Variants in FOXP2 observed in about 807,000 individuals in gnomAD.
FOXP2 encodes forkhead box P2.
In FOXP2, 12 loss-of-function variants were observed where a neutral mutation model predicts 115.8. That is an observed-to-expected ratio of 0.10 (90% CI 0.07 to 0.17). FOXP2 has a LOEUF of 0.17. Among genes scored for constraint, FOXP2 ranks in the 10% least tolerant of loss-of-function variants. The probability of loss-of-function intolerance (pLI) is 1.00; values close to 1 mark genes in which losing one functional copy is unlikely to be tolerated. For synonymous variants in FOXP2, 328 were observed against 297.7 expected (o/e 1.10, Z -1.05); for missense variants, 629 against 843.5 (o/e 0.75, Z 3.15).
At chr7:114,582,860 C>A (rs1801939059) in intron 3 of FOXP2, among the ~76,000 whole-genome samples, 1 of 152,080 alleles carries the variant, frequency 6.6e-6, no homozygotes, top group Admixed American at 6.6e-5. Flanking sequence ...ACCCAATAAA[C>A]CAACCACTGA....
chr7:114,676,149 G>A (rs1051202069), intron 16 of FOXP2, among the ~76,000 whole-genome samples: 1 of 140,418 alleles, frequency 7.1e-6, no homozygotes, highest in Non-Finnish European at 1.5e-5. Context: ...GTCTGGTCTC[G>A]AACTCCTGAC....
At chr7:114,239,805 G>A (rs1752957858) in intron 1 of FOXP2, among the ~76,000 whole-genome samples, 1 of 152,116 alleles carries the variant, frequency 6.6e-6, no homozygotes, top group Admixed American at 6.6e-5. Context: ...CTTCTGCCTG[G>A]CATTCTAAGG....
At chr7:114,589,337 T>C (rs761062899) in intron 3 of FOXP2, among the ~76,000 whole-genome samples, 22 of 152,256 alleles carry the variant, frequency 1.4e-4, no homozygotes, top group Non-Finnish European at 2.6e-4. Flanking sequence ...TTCTGCATGA[T>C]TGTTTAGATT....
At chr7:114,601,841 G>A (rs1803045212) in intron 3 of FOXP2, among the ~76,000 whole-genome samples, 1 of 151,888 alleles carries the variant, frequency 6.6e-6, no homozygotes, top group African/African-American at 2.4e-5. Flanking sequence ...TTTGAAATTC[G>A]TTGAAATTTG....
intron 2 of FOXP2, among the ~76,000 whole-genome samples, chr7:114,367,015 C>G (rs1315534166): frequency 6.6e-6 from 1 of 152,050 alleles, no homozygotes; most frequent in South Asian, 2.1e-4. Flanking sequence ...TTTGCCTTCT[C>G]CTTCAATATG....
intron 1 of FOXP2, among the ~76,000 whole-genome samples, chr7:114,098,559 T>A (rs1273546671): frequency 6.6e-6 from 1 of 152,102 alleles, no homozygotes; most frequent in African/African-American, 2.4e-5. Flanking sequence ...TTACACCAGA[T>A]ACAAAAGTCA....
chr7:114,301,663 G>A (rs1319638697), intron 2 of FOXP2, among the ~76,000 whole-genome samples: 3 of 152,086 alleles, frequency 2.0e-5, no homozygotes, highest in Admixed American at 6.6e-5. Context: ...AGGGCATTTT[G>A]CACTGGGTGT....
chr7:114,611,295 C>A (rs962106694), intron 3 of FOXP2, among the ~76,000 whole-genome samples: 1 of 152,184 alleles, frequency 6.6e-6, no homozygotes, highest in Non-Finnish European at 1.5e-5. Flanking sequence ...CAACTCTATT[C>A]ATTTTCACTT....
intron 16 of FOXP2, among the ~76,000 whole-genome samples, chr7:114,685,075 T>C (rs980574865): frequency 6.6e-6 from 1 of 152,128 alleles, no homozygotes; most frequent in Non-Finnish European, 1.5e-5. Context: ...GCTTTTACTA[T>C]TCTGAAATCA....
chr7:114,646,803 T>G (rs1805931231), intron 8 of FOXP2, among the ~76,000 whole-genome samples: 1 of 151,900 alleles, frequency 6.6e-6, no homozygotes, highest in African/African-American at 2.4e-5. Flanking sequence ...AATATCTCAT[T>G]AAATGAATTA....
chr7:114,505,916 T>C (rs1488787484), intron 2 of FOXP2, among the ~76,000 whole-genome samples: 2 of 151,676 alleles, frequency 1.3e-5, no homozygotes, highest in Non-Finnish European at 3.0e-5. Flanking sequence ...CTACTTACTT[T>C]TTTGTAGCGT....
At chr7:114,323,566 C>T (rs1797481352) in intron 2 of FOXP2, among the ~76,000 whole-genome samples, 2 of 151,864 alleles carry the variant, frequency 1.3e-5, no homozygotes, top group African/African-American at 2.4e-5. Context: ...GATTTATCCC[C>T]CAAAAAATAC....
At chr7:114,482,165 T>C (rs1562952424) in intron 2 of FOXP2, among the ~76,000 whole-genome samples, 1 of 151,450 alleles carries the variant, frequency 6.6e-6, no homozygotes. Context: ...CTACTATTTA[T>C]GCATTGTGAT....
In FOXP2 at chr7:114,587,880, A is replaced by ATATATATATATATATATATATATATAT. The variant is rs1190124247; in HGVS notation, c.259-40660_259-40659insTATATATATATATATATATATATATAT. Among the ~76,000 whole-genome samples the ATATATATATATATATATATATATATAT allele has an allele frequency of 1.0e-3, 63 of 61,492 alleles. 7 individuals carry two copies. Among genetic ancestry groups the ATATATATATATATATATATATATATAT allele is most frequent in the East Asian group, 5.1e-3 (5 of 990 alleles). The allele number at this position is 61,492 out of a possible 152,430, so 40.3% of individuals were successfully genotyped here. A position where few individuals can be genotyped will look rare whatever the true frequency, so the allele number is the denominator to read the frequency against. On this transcript the variant is annotated intron_variant, in intron 3 of 16. Transcript: ENST00000350908. ...TAATTGGGTGAATAAGAGATAATTA[A>ATATATATATATATATATATATATATAT]ATCCACCTTTCTTAGTGCCTTATTA...
chr7:114,442,008 A>G (rs933019627), intron 2 of FOXP2, among the ~76,000 whole-genome samples: 1 of 152,202 alleles, frequency 6.6e-6, no homozygotes, highest in African/African-American at 2.4e-5. Flanking sequence ...CTATGTATCT[A>G]TGCAAGAGGA....
chr7:114,355,838 T>C (rs533299430), intron 2 of FOXP2, among the ~76,000 whole-genome samples: 1 of 152,272 alleles, frequency 6.6e-6, no homozygotes, highest in East Asian at 1.9e-4. Context: ...TCATACGTGG[T>C]TCTCCTAGCG....
intron 16 of FOXP2, among the ~76,000 whole-genome samples, chr7:114,683,215 A>G (rs1443877896): frequency 1.3e-5 from 2 of 152,202 alleles, no homozygotes; most frequent in African/African-American, 2.4e-5. Flanking sequence ...TAATGCTTTC[A>G]TGGCACGTAA....
intron 1 of FOXP2, among the ~76,000 whole-genome samples, chr7:114,192,054 C>T (rs1235258365): frequency 1.5e-5 from 1 of 65,756 alleles, no homozygotes; most frequent in Non-Finnish European, 4.8e-5. Flanking sequence ...TCTCCTGCCT[C>T]AGCCTCCTGA....
chr7:114,156,858 AC>A (rs1792685351), intron 1 of FOXP2, among the ~76,000 whole-genome samples: 1 of 152,138 alleles, frequency 6.6e-6, no homozygotes, highest in Admixed American at 6.6e-5. Flanking sequence ...TTCATGAAAA[AC>A]AATCTTAAAT....
Sources: gnomAD v4.1 joint callset for allele counts (sites outside exome capture counted in the v4.1 genomes callset) on GRCh38, gnomAD v4.1.1 for gene constraint, MANE v1.5 for transcripts, NCBI Gene and HGNC (gene_info 2026-07-23, HGNC 2026-07-21) for gene names.